The following FSTL4 variants were observed in gnomAD, a reference collection of about 807,000 sequenced individuals.
The protein encoded by FSTL4 is follistatin-related protein 4.
Under a neutral mutation model 78.2 loss-of-function variants are expected in FSTL4, and 28 were observed. The observed-to-expected ratio is 0.36, with a 90% confidence interval of 0.27 to 0.49. FSTL4 has a LOEUF of 0.49. Ranked by LOEUF, FSTL4 falls within the 20% of genes least tolerant of loss-of-function variation. FSTL4 has a pLI of 0.98. For missense variants in FSTL4, 922 were observed against 1,084.9 expected (o/e 0.85, Z 2.11); for synonymous variants, 422 against 440.5 (o/e 0.96, Z 0.53).
intron 6 of FSTL4, among the ~76,000 whole-genome samples, chr5:133,295,340 T>A (rs1176927081): frequency 6.6e-6 from 1 of 152,020 alleles, no homozygotes; most frequent in East Asian, 1.9e-4. Flanking sequence ...GGATTCCACC[T>A]CCCCTCGCCT....
chr5:133,627,048 A>C, the FSTL4 span, among the ~76,000 whole-genome samples: 1 of 151,658 alleles, frequency 6.6e-6, no homozygotes, highest in Non-Finnish European at 1.5e-5. Context: ...TACCTGCTTC[A>C]CGTATTTTGT....
At chr5:133,396,953 G>C (rs937828642) in intron 4 of FSTL4, among the ~76,000 whole-genome samples, 2 of 152,166 alleles carry the variant, frequency 1.3e-5, no homozygotes, top group Non-Finnish European at 2.9e-5. Context: ...CCGCCCGCAG[G>C]CTGAGGAAGC....
rs1313558018 is a variant in FSTL4, at chr5:133,361,685, C to T, written c.409+39053G>A. Among the ~76,000 whole-genome samples the T allele has an allele frequency of 6.6e-6, 1 of 152,192 alleles. No individual in the cohort carries two copies. Among genetic ancestry groups the T allele is most frequent in the Non-Finnish European group, 1.5e-5 (1 of 68,032 alleles). ...GCCTTCTAGTCCTGACAAGTTTCTC[C>T]CTCTAAGACAGTGGTTCTAAGTGGG... On this transcript the variant is annotated intron_variant, in intron 4 of 15. Transcript: ENST00000265342. The surrounding 1 kb of genome is among the most constrained non-coding windows in gnomAD (Gnocchi z 4.3).
chr5:133,840,113 C>G, the FSTL4 span, among the ~76,000 whole-genome samples: 1 of 152,204 alleles, frequency 6.6e-6, no homozygotes, highest in Non-Finnish European at 1.5e-5. Context: ...CCACTCAAAG[C>G]CTCATTACAG....
chr5:133,793,692 C>T, the FSTL4 span, among the ~76,000 whole-genome samples: 1 of 152,176 alleles, frequency 6.6e-6, no homozygotes, highest in Non-Finnish European at 1.5e-5. Flanking sequence ...AATTGATGCC[C>T]ACTCCCGCGG....
chr5:133,477,851 T>G (rs990545123), intron 3 of FSTL4, among the ~76,000 whole-genome samples: 11 of 152,284 alleles, frequency 7.2e-5, no homozygotes, highest in South Asian at 2.1e-4. Context: ...TTTGCCCAAA[T>G]AATTAAATTA....
intron 6 of FSTL4, among the ~76,000 whole-genome samples, chr5:133,271,955 AC>A (rs751493348): frequency 3.3e-5 from 5 of 152,206 alleles, no homozygotes; most frequent in South Asian, 4.2e-4. Context: ...TTCCTCCTCC[AC>A]CCTGAAGAGC....
intron 6 of FSTL4, among the ~76,000 whole-genome samples, chr5:133,257,125 C>T (rs1160355467): frequency 5.3e-5 from 8 of 152,196 alleles, no homozygotes; most frequent in Admixed American, 3.9e-4. Context: ...GGCTAGTGCT[C>T]AGTCAACAAT....
chr5:133,832,091 C>T, the FSTL4 span, among the ~76,000 whole-genome samples: 3 of 152,272 alleles, frequency 2.0e-5, no homozygotes, highest in East Asian at 3.9e-4. Context: ...TTAGCACTTG[C>T]GGACTTAACT....
At chr5:133,288,497 C>G (rs1220847280) in intron 6 of FSTL4, among the ~76,000 whole-genome samples, 2 of 152,252 alleles carry the variant, frequency 1.3e-5, no homozygotes, top group African/African-American at 4.8e-5. Context: ...GAAACAGCTT[C>G]ATATTCAGTA....
At chr5:133,642,816 A>G in the FSTL4 span, among the ~76,000 whole-genome samples, 1 of 152,258 alleles carries the variant, frequency 6.6e-6, no homozygotes, top group Non-Finnish European at 1.5e-5. Flanking sequence ...GACAAGGTCT[A>G]GTATATGCTT....
chr5:133,217,556 T>C (rs1415271496), intron 12 of FSTL4, among the ~76,000 whole-genome samples, 178 bp from the exon 13 acceptor site: 1 of 152,198 alleles, frequency 6.6e-6, no homozygotes, highest in African/African-American at 2.4e-5. Flanking sequence ...TTAACATTCC[T>C]TTAATCTTTT....
At chr5:133,554,133 C>T (rs1331068762) in intron 3 of FSTL4, among the ~76,000 whole-genome samples, 1 of 152,152 alleles carries the variant, frequency 6.6e-6, no homozygotes, top group East Asian at 1.9e-4. Context: ...AGAAGCAAGC[C>T]CGACCTTGCA....
At chr5:133,598,984 A>G (rs1760799043) in intron 2 of FSTL4, among the ~76,000 whole-genome samples, 1 of 152,172 alleles carries the variant, frequency 6.6e-6, no homozygotes. Flanking sequence ...GGCCAGGGTG[A>G]GTACAAACAC....
At chr5:133,345,600 C>T (rs1017840038) in intron 4 of FSTL4, among the ~76,000 whole-genome samples, 1 of 152,004 alleles carries the variant, frequency 6.6e-6, no homozygotes, top group Admixed American at 6.5e-5. Flanking sequence ...AATTTTTGTA[C>T]AAGGTGTAAG....
chr5:133,395,736 T>A (rs1756021227), intron 4 of FSTL4, among the ~76,000 whole-genome samples: 1 of 152,180 alleles, frequency 6.6e-6, no homozygotes, highest in African/African-American at 2.4e-5. Context: ...CTAGAAAGCC[T>A]TCCCCACACT....
chr5:133,821,620 C>T, the FSTL4 span, among the ~76,000 whole-genome samples: 1 of 152,100 alleles, frequency 6.6e-6, no homozygotes, highest in African/African-American at 2.4e-5. Context: ...TATGAAGACT[C>T]CAGCTCAAGT....
chr5:133,815,869 G>A, the FSTL4 span, among the ~76,000 whole-genome samples: 40 of 152,224 alleles, frequency 2.6e-4, no homozygotes, highest in African/African-American at 9.6e-4. Flanking sequence ...GGCCCCAAAA[G>A]GAAGTCCAGA....
At chr5:133,282,511 T>C (rs1323407678) in intron 6 of FSTL4, among the ~76,000 whole-genome samples, 3 of 152,218 alleles carry the variant, frequency 2.0e-5, no homozygotes, top group Non-Finnish European at 4.4e-5. Context: ...TGCATTTTAA[T>C]CCCATTAGCA....
Sources: gnomAD v4.1 joint callset for allele counts (sites outside exome capture counted in the v4.1 genomes callset) on GRCh38, gnomAD v4.1.1 for gene constraint, Gnocchi (gnomAD v3.1) non-coding constraint, MANE v1.5 for transcripts, NCBI Gene and HGNC (gene_info 2026-07-23, HGNC 2026-07-21) for gene names.